The following RANBP2 variants were observed in gnomAD, a reference collection of about 807,000 sequenced individuals.
RANBP2 encodes the protein RAN binding protein 2, also known as E3 SUMO-protein ligase RanBP2.
RANBP2 carries 57 observed loss-of-function variants against 303.6 expected under a neutral mutation model. The observed-to-expected ratio is 0.19, with a 90% CI of 0.15 to 0.23. The LOEUF is 0.23. Among genes scored for constraint, RANBP2 ranks in the 10% least tolerant of loss-of-function variants. The pLI is 1.00. For missense variants in RANBP2, 3,138 were observed against 3,780.8 expected, an observed-to-expected ratio of 0.83 and a Z score of 4.46; for synonymous variants, 1,167 against 1,301.5, an observed-to-expected ratio of 0.90 and a Z score of 2.23.
the RANBP2 span, among the ~76,000 whole-genome samples, chr2:109,096,531 C>A: frequency 3.3e-5 from 5 of 152,094 alleles, no homozygotes; most frequent in African/African-American, 1.2e-4. Flanking sequence ...TAATCAGTTA[C>A]AAAACTTTTG....
the RANBP2 span, among the ~76,000 whole-genome samples, chr2:109,607,312 G>A: frequency 6.6e-6 from 1 of 152,078 alleles, no homozygotes; most frequent in Non-Finnish European, 1.5e-5. Flanking sequence ...AACTTATAAT[G>A]TACAGAGTAT....
the RANBP2 span, among the ~76,000 whole-genome samples, chr2:109,401,436 C>T: frequency 6.6e-6 from 1 of 152,230 alleles, no homozygotes; most frequent in African/African-American, 2.4e-5. Flanking sequence ...GTCAGGGACC[C>T]CCATCAACCA....
chr2:108,846,186 C>A, the RANBP2 span, among the ~76,000 whole-genome samples: 1 of 152,168 alleles, frequency 6.6e-6, no homozygotes, highest in Admixed American at 6.5e-5. Flanking sequence ...AGTAGGTAGT[C>A]CACCTCTGTT....
the RANBP2 span, among the ~76,000 whole-genome samples, chr2:109,119,116 G>A: frequency 6.6e-6 from 1 of 152,258 alleles, no homozygotes; most frequent in Admixed American, 6.5e-5. Flanking sequence ...GAGCTTGGTA[G>A]GAGCTCTGGG....
chr2:109,207,882 G>A, the RANBP2 span, among the ~76,000 whole-genome samples: 2 of 152,096 alleles, frequency 1.3e-5, no homozygotes, highest in South Asian at 2.1e-4. Context: ...TTGGCCTATG[G>A]CAGTTTCCCT....
chr2:109,070,085 G>A, the RANBP2 span, among the ~76,000 whole-genome samples: 2 of 152,188 alleles, frequency 1.3e-5, no homozygotes, highest in Admixed American at 1.3e-4. Flanking sequence ...GCGACGTGCT[G>A]GGAAGACAGG....
At chr2:109,120,444 G>A in the RANBP2 span, among the ~76,000 whole-genome samples, 1 of 152,112 alleles carries the variant, frequency 6.6e-6, no homozygotes, top group Non-Finnish European at 1.5e-5. Context: ...AGGTAGAGAC[G>A]GACTTCCAGC....
At chr2:109,545,734 C>A in the RANBP2 span, 1 of 1,432,588 alleles carries the variant, frequency 7.0e-7, no homozygotes. Flanking sequence ...ACTAGGGCCA[C>A]GGCTGGGCTA....
the RANBP2 span, among the ~76,000 whole-genome samples, chr2:109,673,452 T>C: frequency 4.5e-4 from 68 of 152,334 alleles, no homozygotes; most frequent in Admixed American, 4.2e-3. Flanking sequence ...CCCCAAGAGC[T>C]GTAAACAGAC....
chr2:109,563,267 A>C, the RANBP2 span, among the ~76,000 whole-genome samples: 3 of 150,750 alleles, frequency 2.0e-5, no homozygotes, highest in Non-Finnish European at 4.4e-5. Context: ...ACATTAATTA[A>C]CTCCATAGAC....
At chr2:109,471,849 C>G in the RANBP2 span, among the ~76,000 whole-genome samples, 1 of 152,216 alleles carries the variant, frequency 6.6e-6, no homozygotes, top group Non-Finnish European at 1.5e-5. Context: ...TTTCCACACT[C>G]TATTTGCTGA....
At chr2:109,405,349 C>T in the RANBP2 span, among the ~76,000 whole-genome samples, 1 of 152,156 alleles carries the variant, frequency 6.6e-6, no homozygotes, top group African/African-American at 2.4e-5. Flanking sequence ...TAATACCCTT[C>T]GTCTTCCCCA....
At chr2:108,995,665 AG>A in the RANBP2 span, among the ~76,000 whole-genome samples, 6 of 152,194 alleles carry the variant, frequency 3.9e-5, no homozygotes, top group Non-Finnish European at 8.8e-5. Flanking sequence ...CTTCCCTTGC[AG>A]TTAGATGTTG....
chr2:109,100,300 G>A, the RANBP2 span, among the ~76,000 whole-genome samples: 1 of 152,132 alleles, frequency 6.6e-6, no homozygotes, highest in East Asian at 1.9e-4. Flanking sequence ...AGATCAGCAG[G>A]GCATTAGATT....
chr2:109,683,388 A>G, the RANBP2 span, among the ~76,000 whole-genome samples: 3 of 152,090 alleles, frequency 2.0e-5, no homozygotes, highest in Non-Finnish European at 4.4e-5. Flanking sequence ...GTGGTGATAC[A>G]TTTGCATGCC....
the RANBP2 span, chr2:108,878,376 TC>T: frequency 4.7e-6 from 1 of 213,668 alleles, no homozygotes; most frequent in Admixed American, 4.2e-5. Context: ...ATTGTCTCAT[TC>T]CCCAGTGCAT....
the RANBP2 span, among the ~76,000 whole-genome samples, chr2:109,530,577 T>C: frequency 6.6e-6 from 1 of 152,172 alleles, no homozygotes; most frequent in Admixed American, 6.5e-5. Flanking sequence ...ACCGGAATGA[T>C]ATGCAAGGTT....
chr2:109,661,904 C>T, the RANBP2 span, among the ~76,000 whole-genome samples: 1 of 152,192 alleles, frequency 6.6e-6, no homozygotes, highest in African/African-American at 2.4e-5. Context: ...GTAAGCTTGA[C>T]TTCTCCCTCT....
chr2:109,045,509 C>T, the RANBP2 span, among the ~76,000 whole-genome samples: 2 of 152,108 alleles, frequency 1.3e-5, no homozygotes, highest in African/African-American at 2.4e-5. Flanking sequence ...AGGACAGCGA[C>T]CGCTCCCTCA....
Sources: gnomAD v4.1 joint callset for allele counts (sites outside exome capture counted in the v4.1 genomes callset) on GRCh38, gnomAD v4.1.1 for gene constraint, MANE v1.5 for transcripts, NCBI Gene and HGNC (gene_info 2026-07-23, HGNC 2026-07-21) for gene names.